DCDC1: variants seen among roughly 807,000 people sequenced by gnomAD.
The protein encoded by DCDC1 is doublecortin domain-containing protein 1.
In DCDC1, 200 loss-of-function variants were observed where a neutral mutation model predicts 178.3. The observed-to-expected ratio is 1.12, with a 90% CI of 1.00 to 1.26. The LOEUF (loss-of-function observed/expected upper bound fraction) is 1.26. Among genes scored for constraint, DCDC1 ranks in the 50% most tolerant of loss-of-function variants. DCDC1 has a pLI of 0.00. For missense variants in DCDC1, 1,983 were observed against 1,749.2 expected (o/e 1.13, Z -2.38); for synonymous variants, 690 against 604.8 (o/e 1.14, Z -2.07).
intron 20 of DCDC1, among the ~76,000 whole-genome samples, chr11:30,998,529 T>C (rs1951397123): frequency 9.3e-6 from 1 of 108,034 alleles, no homozygotes; most frequent in South Asian, 2.8e-4. Flanking sequence ...AATGGATATA[T>C]TTTCCTTGCA....
chr11:31,172,193 C>G (rs1485557447), intron 9 of DCDC1, among the ~76,000 whole-genome samples: 1 of 151,892 alleles, frequency 6.6e-6, no homozygotes, highest in African/African-American at 2.4e-5. Context: ...TCCCTATAAT[C>G]TAAACTTCAG....
intron 6 of DCDC1, among the ~76,000 whole-genome samples, 193 bp downstream of exon 6, chr11:31,305,422 T>C (rs183337316): frequency 6.6e-6 from 1 of 152,310 alleles, no homozygotes; most frequent in East Asian, 1.9e-4. Flanking sequence ...CCAATGCTAA[T>C]GAAGGGCAAT....
chr11:30,972,354 G>A (rs1422369840), intron 20 of DCDC1, among the ~76,000 whole-genome samples: 2 of 152,108 alleles, frequency 1.3e-5, no homozygotes, highest in East Asian at 1.9e-4. Context: ...ACTGTCACAT[G>A]TTATATCCAG....
chr11:31,195,801 C>T (rs906215142), intron 9 of DCDC1, among the ~76,000 whole-genome samples: 3 of 151,972 alleles, frequency 2.0e-5, no homozygotes, highest in Non-Finnish European at 1.5e-5. Context: ...TCGTGCCTAA[C>T]AGCTCCTGGA....
chr11:31,213,375 C>T lies in DCDC1; in HGVS notation c.1221+28075G>A, dbSNP rs536464690. Among the ~76,000 whole-genome samples the T allele has an allele frequency of 5.3e-5, 8 of 151,906 alleles. No individual in the cohort carries two copies. In the South Asian group the frequency reaches 1.7e-3, roughly 32 times the overall value. On this transcript the variant is annotated intron_variant, in intron 9 of 38. Coordinates refer to ENST00000684477, the MANE Select transcript of DCDC1 (RefSeq NM_001387274.1). Reference sequence around the variant, plus strand: ...TGAGTCTATTTATCAATTTGTTTAACATCTAAAGTAGGAGTATTAAATCCC... The same window carrying T: ...TGAGTCTATTTATCAATTTGTTTAATATCTAAAGTAGGAGTATTAAATCCC...
intron 1 of DCDC1, among the ~76,000 whole-genome samples, chr11:31,340,605 ACT>A (rs1950495766): frequency 6.6e-6 from 1 of 151,658 alleles, no homozygotes; most frequent in Non-Finnish European, 1.5e-5. Context: ...AAATGTGTAG[ACT>A]CTGAGTAAAG....
chr11:30,914,270 G>A (rs1945663955), intron 27 of DCDC1, among the ~76,000 whole-genome samples: 1 of 152,242 alleles, frequency 6.6e-6, no homozygotes, highest in Non-Finnish European at 1.5e-5. Flanking sequence ...CATCAGCCCA[G>A]CGAGTTCTCC....
chr11:31,069,809 T>C (rs1193590607), intron 18 of DCDC1, among the ~76,000 whole-genome samples: 3 of 152,192 alleles, frequency 2.0e-5, no homozygotes, highest in African/African-American at 4.8e-5. Flanking sequence ...AAAGAAGATG[T>C]ACATGGAATA....
intron 7 of DCDC1, among the ~76,000 whole-genome samples, chr11:31,281,827 G>A (rs949297646): frequency 6.6e-6 from 1 of 152,114 alleles, no homozygotes; most frequent in Non-Finnish European, 1.5e-5. Flanking sequence ...CCATGATTAT[G>A]AGGCTTCCTC....
intron 20 of DCDC1, among the ~76,000 whole-genome samples, chr11:30,975,550 G>A (rs1950054994): frequency 2.6e-5 from 4 of 151,854 alleles, no homozygotes. Context: ...TACAATAATT[G>A]GTAGTATTTC....
At chr11:30,923,754 T>C (rs917875422) in intron 23 of DCDC1, among the ~76,000 whole-genome samples, 3 of 151,814 alleles carry the variant, frequency 2.0e-5, no homozygotes, top group African/African-American at 7.3e-5. Context: ...GTAGCTGGGA[T>C]TACAGGCACC....
intron 25 of DCDC1, among the ~76,000 whole-genome samples, chr11:30,920,476 G>A (rs1946169217): frequency 6.6e-6 from 1 of 152,146 alleles, no homozygotes; most frequent in African/African-American, 2.4e-5. Flanking sequence ...TGAAGTCAAT[G>A]ATTATGGAAA....
At chr11:30,920,964 CAT>C (rs2134241860) in intron 24 of DCDC1, 29 bp from the exon 25 acceptor site, 2 of 1,586,604 alleles carry the variant, frequency 1.3e-6, no homozygotes, top group East Asian at 2.3e-5. Context: ...ATTGCAAAGA[CAT>C]ATTACTTACA....
chr11:31,278,914 T>C, intron 7 of DCDC1, among the ~76,000 whole-genome samples: 1 of 152,216 alleles, frequency 6.6e-6, no homozygotes, highest in East Asian at 1.9e-4. Flanking sequence ...CTGATTTGGC[T>C]ATCTAATTCC....
intron 20 of DCDC1, among the ~76,000 whole-genome samples, chr11:30,964,453 G>A (rs1309788571): frequency 6.6e-6 from 1 of 152,064 alleles, no homozygotes; most frequent in Non-Finnish European, 1.5e-5. Context: ...TGCCTCTGCA[G>A]CTCCTTAACA....
At chr11:31,221,747 C>T (rs1055198679) in intron 9 of DCDC1, among the ~76,000 whole-genome samples, 1 of 152,156 alleles carries the variant, frequency 6.6e-6, no homozygotes, top group African/African-American at 2.4e-5. Context: ...CTCAGCCACA[C>T]CTTTAGTGTT....
chr11:31,065,004 G>T lies in DCDC1; in HGVS notation c.2433+15C>A. ...GAGAGCTATTTCTGTCTTGCCTCTG[G>T]CTCCCTACACTGACCTCTTCTGCTA... On this transcript the variant is annotated intron_variant, in intron 19 of 38. Coordinates refer to ENST00000684477, the MANE Select transcript of DCDC1 (RefSeq NM_001387274.1). 1 of 721,416 alleles carries T rather than the reference G, an allele frequency of 1.4e-6. No individual in the cohort carries two copies. The allele number at this position is 721,416 out of a possible 1,614,324, so 44.7% of individuals were successfully genotyped here.
intron 17 of DCDC1, among the ~76,000 whole-genome samples, chr11:31,083,374 G>A (rs946255696): frequency 6.6e-6 from 1 of 152,140 alleles, no homozygotes; most frequent in African/African-American, 2.4e-5. Context: ...GGTCTCCTTT[G>A]GCAGGTCCAT....
chr11:30,958,234 G>T (rs1948880659), intron 20 of DCDC1, among the ~76,000 whole-genome samples: 1 of 152,178 alleles, frequency 6.6e-6, no homozygotes, highest in African/African-American at 2.4e-5. Context: ...TGAGGAAAAA[G>T]TATGTGGATG....
Sources: gnomAD v4.1 joint callset for allele counts (sites outside exome capture counted in the v4.1 genomes callset) on GRCh38, gnomAD v4.1.1 for gene constraint, MANE v1.5 for transcripts, NCBI Gene and HGNC (gene_info 2026-07-23, HGNC 2026-07-21) for gene names.